KIAA0040: variants seen among roughly 807,000 people sequenced by gnomAD.
KIAA0040 encodes the protein KIAA0040.
In KIAA0040, 10 loss-of-function variants were observed where a neutral mutation model predicts 7.2. The observed-to-expected ratio is 1.38, with a 90% CI of 0.85 to 2.34. KIAA0040 has a LOEUF of 2.34. KIAA0040 is among the 30% of genes most tolerant of loss of function. The pLI, the probability that KIAA0040 is intolerant of heterozygous loss-of-function variation, is 0.00. For missense variants in KIAA0040, 89 were observed against 108.2 expected (o/e 0.82, Z 0.79); for synonymous variants, 49 against 40.1 (o/e 1.22, Z -0.84).
chr1:175,167,831 CCTT>C (rs1676828278), intron 2 of KIAA0040, among the ~76,000 whole-genome samples: 2 of 151,810 alleles, frequency 1.3e-5, no homozygotes, highest in Non-Finnish European at 2.9e-5. Context: ...GCCCAACTTT[CCTT>C]CTTCTAACCC....
intron 1 of KIAA0040, among the ~76,000 whole-genome samples, chr1:175,188,229 T>G (rs1217175765): frequency 2.6e-5 from 4 of 151,960 alleles, no homozygotes; most frequent in African/African-American, 7.3e-5. Context: ...GAGAAAGAAA[T>G]TTTGTGTTTG....
rs562130182 is a variant in KIAA0040 at position 175,181,522 on chromosome 1, ACTTGCCAG to A, written c.-383-3846_-383-3839del. On this transcript the variant is annotated intron_variant, in intron 1 of 3. Transcript: ENST00000423313. ...AATGCTGCCTAGTGAGAAGTAGAAA[ACTTGCCAG>A]CTATCTGGGTAAGGAAATCAAAATT... Among the ~76,000 whole-genome samples the A allele has an allele frequency of 1.7e-3, 252 of 152,322 alleles. 1 individual carries two copies. The highest frequency in any genetic ancestry group is 2.5e-3 in the Non-Finnish European group (167 of 68,030).
Position 175,160,848 on chromosome 1 carries a change from C to G in KIAA0040, c.166G>C (p.Gly56Arg). Residue 56 changes from glycine to arginine, a missense_variant, in exon 4 of 4, where the codon GGC becomes CGC. Transcript: ENST00000423313. The stretch of plus-strand genomic sequence containing the variant: ...TTCTCTGGCTGCTGGCCCCTCTTGC[C>G]TGGTGGGCTCCAGCAGCAATGGCAA... ...ICCHCCWSPP[G>R]KRGQQPEKNK... 6.4e-7 allele frequency: 1 copy of G among 1,551,332 alleles called. No homozygotes were observed. Among genetic ancestry groups the G allele is most frequent in the Non-Finnish European group, 8.7e-7 (1 of 1,146,960 alleles).
chr1:175,180,870 T>C (rs1373722119), intron 1 of KIAA0040, among the ~76,000 whole-genome samples: 3 of 152,180 alleles, frequency 2.0e-5, no homozygotes, highest in African/African-American at 7.2e-5. Context: ...TTTTAAAAAA[T>C]ATACAGGGTC....
intron 1 of KIAA0040, among the ~76,000 whole-genome samples, chr1:175,185,836 A>C (rs1210585164): frequency 6.6e-6 from 1 of 152,260 alleles, no homozygotes; most frequent in Admixed American, 6.5e-5. Context: ...ATATGCACAC[A>C]ATGGAATATG....
chr1:175,192,899 G>GCCT (rs931922629), upstream of KIAA0040: 26 of 146,502 alleles, frequency 1.8e-4, no homozygotes, highest in Non-Finnish European at 3.3e-4. Flanking sequence ...TGTGTTCCCT[G>GCCT]CCTTCCTACG....
intron 1 of KIAA0040, among the ~76,000 whole-genome samples, chr1:175,190,051 A>T (rs938349648): frequency 2.6e-5 from 4 of 152,230 alleles, no homozygotes; most frequent in African/African-American, 9.6e-5. Flanking sequence ...TTATGAAGTC[A>T]GGACTCTCCC....
chr1:175,190,200 C>A (rs1052074404), intron 1 of KIAA0040, among the ~76,000 whole-genome samples: 2 of 152,190 alleles, frequency 1.3e-5, no homozygotes, highest in African/African-American at 4.8e-5. Context: ...TGCCATGAAC[C>A]CAGAATTCTC....
intron 1 of KIAA0040, among the ~76,000 whole-genome samples, chr1:175,190,341 G>A (rs1357902342): frequency 6.6e-6 from 1 of 152,174 alleles, no homozygotes; most frequent in Non-Finnish European, 1.5e-5. Context: ...AGACTCTTCA[G>A]CACCAATGTG....
In KIAA0040 at chr1:175,182,545, C is replaced by T. The variant is rs554384860; in HGVS notation, c.-383-4861G>A. 5.5e-4 allele frequency among the ~76,000 whole-genome samples: 83 copies of T among 152,182 alleles called. 1 individual carries two copies. Among genetic ancestry groups the T allele is most frequent in the Non-Finnish European group, 1.0e-3 (68 of 68,032 alleles). On this transcript the variant is annotated intron_variant, in intron 1 of 3. Transcript: ENST00000423313. ...TAGATCGGTCCGTGGTCAGAGGCTG[C>T]ACAGTGGAAGCCCAGGAGGCAGCTG...
intron 2 of KIAA0040, among the ~76,000 whole-genome samples, chr1:175,170,317 A>T (rs1676935194): frequency 6.6e-6 from 1 of 152,112 alleles, no homozygotes; most frequent in South Asian, 2.1e-4. Flanking sequence ...CTTCCCCTTT[A>T]TCCCCATTGT....
intron 3 of KIAA0040, among the ~76,000 whole-genome samples, chr1:175,162,191 C>T (rs182077629): frequency 6.6e-6 from 1 of 152,298 alleles, no homozygotes; most frequent in East Asian, 1.9e-4. Flanking sequence ...ACAAACAAGA[C>T]TTCAAGGACA....
intron 3 of KIAA0040, among the ~76,000 whole-genome samples, chr1:175,165,327 A>G (rs1329468670): frequency 1.3e-5 from 2 of 152,192 alleles, no homozygotes; most frequent in African/African-American, 4.8e-5. Context: ...TCATAATGAC[A>G]TTGTGGGGAT....
At chr1:175,164,350 G>A (rs1676668196) in intron 3 of KIAA0040, among the ~76,000 whole-genome samples, 1 of 152,164 alleles carries the variant, frequency 6.6e-6, no homozygotes, top group African/African-American at 2.4e-5. Flanking sequence ...TCTGACATCG[G>A]GAAGCCTCGT....
chr1:175,161,550 C>T (rs1676544417), intron 3 of KIAA0040, among the ~76,000 whole-genome samples: 1 of 152,194 alleles, frequency 6.6e-6, no homozygotes, highest in African/African-American at 2.4e-5. Context: ...ACACTCCCCA[C>T]AGGACAGGTC....
intron 1 of KIAA0040, among the ~76,000 whole-genome samples, chr1:175,188,205 T>C (rs1487305385): frequency 1.3e-5 from 2 of 152,184 alleles, no homozygotes; most frequent in Non-Finnish European, 2.9e-5. Context: ...CCATGTCCCT[T>C]GGGAGTTGCC....
At position 175,160,741 on chromosome 1, in the gene KIAA0040, C is replaced by T; in HGVS notation, c.273G>A (p.Met91Ile). Residue 91 changes from methionine to isoleucine, a missense_variant, in exon 4 of 4, where the codon ATG becomes ATA. Met to Ile is a conservative substitution (Grantham distance 10, BLOSUM62 1). Coordinates refer to ENST00000423313, the MANE Select transcript of KIAA0040 (RefSeq NM_014656.3). ...WISAQPKLLQ[M>I]EKRPSLPV ...AAACAGGCAGTGATGGTCTCTTCTCCATCTGGAGAAGCTTGGGTTGAGCAG... is the reference window on the plus strand; with the variant it reads ...AAACAGGCAGTGATGGTCTCTTCTCTATCTGGAGAAGCTTGGGTTGAGCAG... 1 of 1,548,990 alleles carries T rather than the reference C, an allele frequency of 6.5e-7. No homozygotes were observed. The highest frequency in any genetic ancestry group is 8.7e-7 in the Non-Finnish European group (1 of 1,146,772).
intron 3 of KIAA0040, among the ~76,000 whole-genome samples, chr1:175,163,139 T>A (rs1198320425): frequency 1.3e-5 from 2 of 152,210 alleles, no homozygotes; most frequent in Non-Finnish European, 2.9e-5. Context: ...TTCACAGGCG[T>A]TGCTCTGTGG....
intron 2 of KIAA0040, among the ~76,000 whole-genome samples, chr1:175,170,363 T>G (rs1003303303): frequency 3.9e-5 from 6 of 152,054 alleles, no homozygotes; most frequent in African/African-American, 1.4e-4. Flanking sequence ...TGGCCTCTAG[T>G]TTTTCCTTCT....
Sources: allele counts gnomAD v4.1 joint callset (sites outside exome capture counted in the v4.1 genomes callset), GRCh38; gene constraint gnomAD v4.1.1; transcripts MANE v1.5; gene names NCBI Gene and HGNC (gene_info 2026-07-23, HGNC 2026-07-21).